Variants in PDE4D observed in about 807,000 individuals in gnomAD.
The protein encoded by PDE4D is 3',5'-cyclic-AMP phosphodiesterase 4D.
PDE4D carries 24 observed loss-of-function variants against 87.4 expected under a neutral mutation model. The ratio of observed to expected loss-of-function variants is 0.27; its 90% confidence interval spans 0.20 to 0.39. The LOEUF (loss-of-function observed/expected upper bound fraction) is 0.39, where lower values mean the gene tolerates loss of function less well. Among genes scored for constraint, PDE4D ranks in the 10% least tolerant of loss-of-function variants. The pLI is 1.00. For synonymous variants in PDE4D, 384 were observed against 383.2 expected, an observed-to-expected ratio of 1.00 and a Z score of -0.02; for missense variants, 714 against 1,041.0, an observed-to-expected ratio of 0.69 and a Z score of 4.32.
At chr5:59,009,169 T>G (rs1307411721) in intron 6 of PDE4D, among the ~76,000 whole-genome samples, 1 of 152,128 alleles carries the variant, frequency 6.6e-6, no homozygotes, top group African/African-American at 2.4e-5. Context: ...GTTTGACAGT[T>G]TCTTATAAAG....
At chr5:59,082,016 C>T (rs1485559674) in intron 5 of PDE4D, among the ~76,000 whole-genome samples, 1 of 152,098 alleles carries the variant, frequency 6.6e-6, no homozygotes, top group Non-Finnish European at 1.5e-5. Context: ...CTCCTGCTGC[C>T]CTGTAAAGAG....
chr5:59,911,126 C>G lies in PDE4D; in HGVS notation c.272+77362G>C, dbSNP rs190050947. ...TAATAGCCCTTTCCCAAAACAAACT[C>G]TTTTCTTGCCTGGGGACCAGACTGG... On this transcript the variant is annotated intron_variant, in intron 3 of 16. Transcript: ENST00000502484. Among the ~76,000 whole-genome samples, 187 of 152,328 alleles carry G rather than the reference C, an allele frequency of 1.2e-3. 4 individuals carry two copies. In the East Asian group the frequency reaches 0.029, roughly 24 times the overall value.
intron 5 of PDE4D, among the ~76,000 whole-genome samples, chr5:59,068,210 C>A (rs1764217255): frequency 6.6e-6 from 1 of 152,220 alleles, no homozygotes; most frequent in African/African-American, 2.4e-5. Context: ...ATACCACAAG[C>A]ATTCCCAGAG....
At position 59,477,373 on chromosome 5, in the gene PDE4D, A is replaced by ATAT. The variant is rs35027879; in HGVS notation, c.456-261406_456-261405insATA. Among the ~76,000 whole-genome samples, 135 of 143,094 alleles carry ATAT rather than the reference A, an allele frequency of 9.4e-4. 1 individual carries two copies. The highest frequency in any genetic ancestry group is 3.1e-3 in the Admixed American group (45 of 14,430). The allele number at this position is 143,094 out of a possible 152,430, so 93.9% of individuals were successfully genotyped here. The stretch of plus-strand genomic sequence containing the variant: ...TATAATAAAAAAAAAAAAAAAAAAA[A>ATAT]ATTAAAGAATCTCTACAAAATATGC... On this transcript the variant is annotated intron_variant, in intron 1 of 14. Coordinates refer to ENST00000340635, the MANE Select transcript of PDE4D (RefSeq NM_001104631.2).
At chr5:59,589,094 T>C (rs1825586348) in intron 1 of PDE4D, among the ~76,000 whole-genome samples, 1 of 152,196 alleles carries the variant, frequency 6.6e-6, no homozygotes, top group Admixed American at 6.5e-5. Context: ...TTACTAGCCC[T>C]GTTCTCCAGA....
intron 1 of PDE4D, among the ~76,000 whole-genome samples, chr5:60,317,953 T>C (rs1755798310): frequency 1.3e-5 from 2 of 152,192 alleles, no homozygotes; most frequent in South Asian, 2.1e-4. Context: ...ACTGAGAAGA[T>C]GTATATTCTG....
intron 1 of PDE4D, among the ~76,000 whole-genome samples, chr5:59,750,249 G>C (rs1474642693): frequency 6.6e-6 from 1 of 151,968 alleles, no homozygotes; most frequent in Non-Finnish European, 1.5e-5. Flanking sequence ...CAAAACTTAT[G>C]ATAGACTGTG....
chr5:59,414,961 G>C (rs905339789), intron 1 of PDE4D, among the ~76,000 whole-genome samples: 1 of 152,200 alleles, frequency 6.6e-6, no homozygotes. Context: ...TTGAACTGTG[G>C]AGAGTATGAT....
chr5:59,668,640 T>A (rs1746460702), intron 1 of PDE4D, among the ~76,000 whole-genome samples: 1 of 151,114 alleles, frequency 6.6e-6, no homozygotes, highest in South Asian at 2.1e-4. Flanking sequence ...TCCAGGAGTT[T>A]GGGGCTGCAG....
intron 1 of PDE4D, among the ~76,000 whole-genome samples, chr5:59,412,292 T>C (rs1346407901): frequency 6.6e-6 from 1 of 152,224 alleles, no homozygotes; most frequent in Non-Finnish European, 1.5e-5. Flanking sequence ...TTATAAAGGC[T>C]ACTTCTGTTA....
chr5:60,166,708 T>A (rs1440761387), intron 2 of PDE4D, among the ~76,000 whole-genome samples: 1 of 152,218 alleles, frequency 6.6e-6, no homozygotes, highest in Non-Finnish European at 1.5e-5. Flanking sequence ...TATTCCAGCT[T>A]GAAGAACTCC....
intron 1 of PDE4D, among the ~76,000 whole-genome samples, chr5:59,711,387 A>C (rs1754173473): frequency 6.6e-6 from 1 of 152,082 alleles, no homozygotes. Flanking sequence ...AATGTAAATT[A>C]GCTAAAAAAA....
intron 2 of PDE4D, among the ~76,000 whole-genome samples, chr5:59,199,016 T>C (rs1267280030): frequency 1.3e-5 from 2 of 152,202 alleles, no homozygotes; most frequent in Non-Finnish European, 2.9e-5. Context: ...ACACACTAGG[T>C]GGCAATCTTT....
intron 1 of PDE4D, among the ~76,000 whole-genome samples, chr5:60,408,176 G>A (rs1342749932): frequency 6.6e-6 from 1 of 152,182 alleles, no homozygotes; most frequent in Admixed American, 6.5e-5. Flanking sequence ...AGCTGGAGCA[G>A]AGACAACCTA....
At chr5:59,369,692 C>A (rs1783652455) in intron 1 of PDE4D, among the ~76,000 whole-genome samples, 1 of 152,066 alleles carries the variant, frequency 6.6e-6, no homozygotes, top group Non-Finnish European at 1.5e-5. Context: ...AGTGTTGCCA[C>A]TGGGAATGTT....
chr5:60,180,098 C>T (rs1784257994), intron 2 of PDE4D, among the ~76,000 whole-genome samples: 1 of 152,090 alleles, frequency 6.6e-6, no homozygotes, highest in African/African-American at 2.4e-5. Context: ...AATGAAATAG[C>T]AAACACATCA....
intron 1 of PDE4D, among the ~76,000 whole-genome samples, chr5:59,855,718 T>A (rs1252832789): frequency 2.0e-5 from 3 of 152,144 alleles, no homozygotes; most frequent in Admixed American, 2.0e-4. Flanking sequence ...AAGAAGAAAT[T>A]ATTGCCATTC....
chr5:59,771,499 G>GAGAGAAGAAAAAGAAAGA (rs1554081503), intron 1 of PDE4D, among the ~76,000 whole-genome samples: 1 of 19,700 alleles, frequency 5.1e-5, no homozygotes, highest in Non-Finnish European at 1.2e-4. Flanking sequence ...GAGAGAGAGA[G>GAGAGAAGAAAAAGAAAGA]AAGAAAGAAA....
At chr5:59,726,133 C>T (rs1407882369) in intron 1 of PDE4D, among the ~76,000 whole-genome samples, 4 of 152,032 alleles carry the variant, frequency 2.6e-5, no homozygotes, top group Non-Finnish European at 5.9e-5. Flanking sequence ...AAGTTCAATG[C>T]TAACAAATAT....
Sources: allele counts gnomAD v4.1 joint callset (sites outside exome capture counted in the v4.1 genomes callset), GRCh38; gene constraint gnomAD v4.1.1; transcripts MANE v1.5; gene names NCBI Gene and HGNC (gene_info 2026-07-23, HGNC 2026-07-21).